The following CTNND2 variants were observed in gnomAD, a reference collection of about 807,000 sequenced individuals.
CTNND2 encodes the protein catenin delta-2.
A neutral mutation model predicts 144.4 loss-of-function variants in CTNND2; 22 were observed. The ratio of observed to expected loss-of-function variants is 0.15; its 90% CI spans 0.11 to 0.22. CTNND2 has a LOEUF of 0.22. Ranked by LOEUF, CTNND2 falls within the 10% of genes least tolerant of loss-of-function variation. CTNND2 has a pLI of 1.00. For missense variants in CTNND2, 1,353 were observed against 1,618.8 expected (o/e 0.84, Z 2.82); for synonymous variants, 751 against 695.6 (o/e 1.08, Z -1.25).
At chr5:11,652,507 T>C (rs1185121929) in intron 2 of CTNND2, among the ~76,000 whole-genome samples, 1 of 152,232 alleles carries the variant, frequency 6.6e-6, no homozygotes, top group Non-Finnish European at 1.5e-5. Flanking sequence ...GCTATTTATA[T>C]TGTATTGACA....
chr5:11,249,481 CA>C (rs765942561), intron 9 of CTNND2, among the ~76,000 whole-genome samples: 15 of 152,106 alleles, frequency 9.9e-5, no homozygotes, highest in Admixed American at 1.3e-4. Context: ...ATTTCATGGT[CA>C]GGGGGCTTGA....
intron 2 of CTNND2, among the ~76,000 whole-genome samples, chr5:11,629,124 T>C (rs947779057): frequency 2.6e-5 from 4 of 152,192 alleles, no homozygotes; most frequent in African/African-American, 7.2e-5. Context: ...ATGACCTAGG[T>C]AGCAGAACAA....
intron 3 of CTNND2, among the ~76,000 whole-genome samples, chr5:11,518,549 C>G (rs933440117): frequency 8.5e-5 from 13 of 152,210 alleles, no homozygotes; most frequent in Admixed American, 5.9e-4. Context: ...CATTCACTCA[C>G]CACTCACAGA....
At chr5:11,064,511 C>T (rs1044406805) in intron 16 of CTNND2, among the ~76,000 whole-genome samples, 6 of 151,902 alleles carry the variant, frequency 3.9e-5, no homozygotes, top group African/African-American at 9.7e-5. Flanking sequence ...GATGTGCCTT[C>T]GAGATAGAGA....
intron 3 of CTNND2, among the ~76,000 whole-genome samples, chr5:11,507,372 A>G (rs1561490160): frequency 1.3e-5 from 2 of 152,354 alleles, no homozygotes; most frequent in Middle Eastern, 6.8e-3. Flanking sequence ...TACAATCAAG[A>G]GCATACTTTG....
At chr5:11,591,792 T>C (rs774737146) in intron 2 of CTNND2, among the ~76,000 whole-genome samples, 2 of 152,182 alleles carry the variant, frequency 1.3e-5, no homozygotes, top group Non-Finnish European at 2.9e-5. Flanking sequence ...GATTTCTTTG[T>C]TTCTTACTTT....
intron 16 of CTNND2, among the ~76,000 whole-genome samples, chr5:11,031,808 C>T (rs757281185): frequency 1.3e-4 from 20 of 152,206 alleles, no homozygotes; most frequent in East Asian, 1.2e-3. Flanking sequence ...TGCCCTTGAA[C>T]GTCAGACTCC....
intron 10 of CTNND2, among the ~76,000 whole-genome samples, chr5:11,202,372 C>T (rs1465516813): frequency 6.6e-6 from 1 of 151,932 alleles, no homozygotes; most frequent in South Asian, 2.1e-4. Flanking sequence ...CTAATTAATG[C>T]CATATACCCA....
chr5:11,257,683 T>C (rs1436129678), intron 9 of CTNND2, among the ~76,000 whole-genome samples: 1 of 152,138 alleles, frequency 6.6e-6, no homozygotes, highest in Non-Finnish European at 1.5e-5. Context: ...GGGTTACAAT[T>C]CGAGATGAGA....
At chr5:10,989,591 C>T (rs1233846900) in intron 19 of CTNND2, among the ~76,000 whole-genome samples, 2 of 152,234 alleles carry the variant, frequency 1.3e-5, no homozygotes, top group Non-Finnish European at 2.9e-5. Context: ...ATCATTCACA[C>T]CCTCTGTAGG....
At chr5:11,748,254 G>A (rs548616328) in intron 1 of CTNND2, among the ~76,000 whole-genome samples, 11 of 151,988 alleles carry the variant, frequency 7.2e-5, no homozygotes, top group South Asian at 2.1e-4. Flanking sequence ...TTTTTTACCC[G>A]CATATAACAA....
intron 11 of CTNND2, among the ~76,000 whole-genome samples, chr5:11,197,424 A>G (rs1375962017): frequency 6.6e-6 from 1 of 152,230 alleles, no homozygotes; most frequent in East Asian, 1.9e-4. Flanking sequence ...CCCCCAGCAC[A>G]TGCTGATGAA....
rs1410327924 is a variant in CTNND2 at position 11,849,262 on chromosome 5, T to A, written c.37+54555A>T. 2.0e-5 allele frequency among the ~76,000 whole-genome samples: 3 copies of A among 152,198 alleles called. No homozygotes were observed. In the East Asian group the frequency reaches 5.8e-4, roughly 29 times the overall value. ...GAGACTTACTACCATGAGAACAGTA[T>A]AGGGGAAACTGCCCCCATGATTCAA... is the stretch of plus-strand genomic sequence containing the variant. On this transcript the variant is annotated intron_variant, in intron 1 of 21. Transcript: ENST00000304623.
chr5:11,192,225 C>T (rs748497813), intron 11 of CTNND2, among the ~76,000 whole-genome samples: 3 of 152,168 alleles, frequency 2.0e-5, no homozygotes, highest in Non-Finnish European at 2.9e-5. Context: ...CCAGAATGAA[C>T]CTTTGCCTGG....
At chr5:11,166,249 C>CT (rs11400471) in intron 11 of CTNND2, among the ~76,000 whole-genome samples, 33,532 of 125,842 alleles carry the variant, frequency 0.27, 5,543 homozygotes, top group African/African-American at 0.45. Context: ...CAAAAAAGTT[C>CT]TTTTTTTTTT....
At chr5:11,329,002 G>A (rs1168098572) in intron 9 of CTNND2, among the ~76,000 whole-genome samples, 2 of 152,288 alleles carry the variant, frequency 1.3e-5, no homozygotes, top group Non-Finnish European at 1.5e-5. Context: ...GTTTCCTGAG[G>A]CCTCTTTCCT....
At chr5:11,291,264 C>T (rs1429187629) in intron 9 of CTNND2, among the ~76,000 whole-genome samples, 1 of 151,878 alleles carries the variant, frequency 6.6e-6, no homozygotes, top group Non-Finnish European at 1.5e-5. Context: ...TCTTTTTTTT[C>T]AATAATATTA....
intron 10 of CTNND2, among the ~76,000 whole-genome samples, chr5:11,209,780 G>A (rs1738431614): frequency 6.6e-6 from 1 of 151,994 alleles, no homozygotes; most frequent in Non-Finnish European, 1.5e-5. Context: ...AAATTAGCCG[G>A]GCATGGTGGC....
chr5:11,869,698 T>C (rs534245420), intron 1 of CTNND2, among the ~76,000 whole-genome samples: 1 of 152,346 alleles, frequency 6.6e-6, no homozygotes, highest in African/African-American at 2.4e-5. Context: ...CTTACTTCTA[T>C]ACTTAAAAAC....
Sources: gnomAD v4.1 joint callset for allele counts (sites outside exome capture counted in the v4.1 genomes callset) on GRCh38, gnomAD v4.1.1 for gene constraint, MANE v1.5 for transcripts, NCBI Gene and HGNC (gene_info 2026-07-23, HGNC 2026-07-21) for gene names.